Variants in ZNF407 observed in about 807,000 individuals in gnomAD.
ZNF407 encodes zinc finger protein 407.
ZNF407 carries 17 observed loss-of-function variants against 131.2 expected under a neutral mutation model. The observed-to-expected ratio is 0.13, with a 90% CI of 0.09 to 0.19. The LOEUF is 0.19. Ranked by LOEUF, ZNF407 falls within the 10% of genes least tolerant of loss-of-function variation. The pLI is 1.00. For synonymous variants in ZNF407, 1,156 were observed against 1,062.0 expected (o/e 1.09, Z -1.72); for missense variants, 2,681 against 2,830.6 (o/e 0.95, Z 1.20).
chr18:74,598,930 A>G (rs757350427), intron 1 of ZNF407, among the ~76,000 whole-genome samples: 11 of 152,240 alleles, frequency 7.2e-5, no homozygotes, highest in Non-Finnish European at 1.6e-4. Flanking sequence ...GTGGACACAC[A>G]TGTAGAATAC....
chr18:74,850,311 C>T lies in ZNF407; in HGVS notation c.4878-26886C>T, dbSNP rs547639401. Among the ~76,000 whole-genome samples the T allele has an allele frequency of 9.7e-4, 126 of 130,536 alleles. 1 individual carries two copies. Among genetic ancestry groups the T allele is most frequent in the Non-Finnish European group, 1.9e-3 (109 of 57,566 alleles). The allele number at this position is 130,536 out of a possible 152,430, so 85.6% of individuals were successfully genotyped here. On this transcript the variant is annotated intron_variant, in intron 4 of 8. Transcript: ENST00000299687. ...ATAGATTTCTTTGTTGCCCAATTTT[C>T]CTCTTCTTTCCTTTGATTTGTTTCT...
intron 3 of ZNF407, among the ~76,000 whole-genome samples, chr18:74,735,695 C>A (rs566922894): frequency 1.3e-5 from 2 of 152,268 alleles, no homozygotes; most frequent in East Asian, 3.9e-4. Flanking sequence ...TAAGGATATG[C>A]AACTTTACCA....
chr18:74,608,208 C>T (rs942624256), intron 1 of ZNF407, among the ~76,000 whole-genome samples: 1 of 152,174 alleles, frequency 6.6e-6, no homozygotes, highest in African/African-American at 2.4e-5. Context: ...CAATTGGTAA[C>T]AATTAATCTA....
chr18:74,989,513 G>C (rs373250569), intron 8 of ZNF407, among the ~76,000 whole-genome samples: 1 of 152,194 alleles, frequency 6.6e-6, no homozygotes, highest in Non-Finnish European at 1.5e-5. Context: ...ACTTCCTTTC[G>C]AAGATTCTAT....
At chr18:74,776,061 T>C in intron 3 of ZNF407, among the ~76,000 whole-genome samples, 1 of 152,138 alleles carries the variant, frequency 6.6e-6, no homozygotes, top group East Asian at 1.9e-4. Flanking sequence ...AATCAAACCA[T>C]ATCAATACCT....
At chr18:74,773,601 G>C (rs1406750849) in intron 3 of ZNF407, among the ~76,000 whole-genome samples, 1 of 152,214 alleles carries the variant, frequency 6.6e-6, no homozygotes, top group East Asian at 1.9e-4. Flanking sequence ...GCGAATAATT[G>C]TTTGAATAGA....
chr18:74,633,112 G>A lies in ZNF407; in HGVS notation c.2093G>A (p.Arg698Lys), dbSNP rs775206412. The change falls in exon 2 of 9, where the codon AGG becomes AAG. Residue 698 changes from arginine to lysine, a missense_variant. Physicochemically the swap from Arg to Lys is conservative, Grantham distance 26. This residue lies in a region of ZNF407 where 1,789 missense variants were observed against 1,748.7 expected (regional missense o/e 1.02). Transcript: ENST00000299687. ...KSRVSHGNEV[R>K]HSSKPQFQCK... is the part of the protein sequence containing the mutation. ...AGGGTAAGCCATGGTAATGAAGTGA[G>A]GCATTCCAGTAAGCCTCAGTTTCAG... The A allele has an allele frequency of 1.9e-6, 3 of 1,613,400 alleles. No individual in the cohort carries two copies. The African/African-American group carries it at 4.0e-5, about 22-fold the overall frequency.
At chr18:74,994,656 C>T (rs141026608) in intron 8 of ZNF407, among the ~76,000 whole-genome samples, 295 of 152,254 alleles carry the variant, frequency 1.9e-3, no homozygotes, top group South Asian at 0.016. Flanking sequence ...GATTCTCAAA[C>T]GGTAGGGAGT....
chr18:74,877,688 A>T (rs1028368162), intron 5 of ZNF407, among the ~76,000 whole-genome samples: 4 of 152,208 alleles, frequency 2.6e-5, no homozygotes, highest in African/African-American at 9.6e-5. Context: ...TCTTTATAGA[A>T]GGTCATATGG....
At chr18:74,796,480 G>A (rs182800829) in intron 4 of ZNF407, among the ~76,000 whole-genome samples, 2 of 152,316 alleles carry the variant, frequency 1.3e-5, no homozygotes, top group East Asian at 3.9e-4. Context: ...GCAGAGATGT[G>A]TCACACGAGG....
At chr18:74,894,385 A>G (rs977625089) in intron 7 of ZNF407, among the ~76,000 whole-genome samples, 2 of 152,076 alleles carry the variant, frequency 1.3e-5, no homozygotes, top group Non-Finnish European at 1.5e-5. Flanking sequence ...ACATTTTTCT[A>G]TGTTTTTATT....
At chr18:74,650,823 A>T (rs908297988) in intron 3 of ZNF407, among the ~76,000 whole-genome samples, 1 of 152,212 alleles carries the variant, frequency 6.6e-6, no homozygotes, top group Admixed American at 6.5e-5. Context: ...CTGTAATTAA[A>T]TATTTTTGCA....
chr18:74,785,875 ACATGGCACG>A lies in ZNF407; in HGVS notation c.4877+4376_4877+4384del, dbSNP rs1254576003. Among the ~76,000 whole-genome samples the A allele has an allele frequency of 1.9e-3, 42 of 21,984 alleles. No individual in the cohort carries two copies. The East Asian group carries it at 0.089, about 47-fold the overall frequency. 14.4% of individuals were successfully genotyped at this position (21,984 alleles called of 152,430 possible). On this transcript the variant is annotated intron_variant, in intron 4 of 8. Coordinates refer to ENST00000299687, the MANE Select transcript of ZNF407 (RefSeq NM_017757.3). ...GGCCCACATGGCACACACGTCACTC[ACATGGCACG>A]CACATGGCACTCACATGGGACACAC...
intron 8 of ZNF407, among the ~76,000 whole-genome samples, chr18:75,035,225 G>C (rs981849031): frequency 3.9e-5 from 6 of 152,156 alleles, no homozygotes; most frequent in African/African-American, 1.2e-4. Flanking sequence ...CACAGTGCTG[G>C]CCATTCAAAA....
intron 3 of ZNF407, among the ~76,000 whole-genome samples, chr18:74,684,139 G>T (rs187534628): frequency 6.6e-6 from 1 of 152,088 alleles, no homozygotes; most frequent in Non-Finnish European, 1.5e-5. Flanking sequence ...AATAATTATT[G>T]TTGAGCTCCA....
intron 3 of ZNF407, among the ~76,000 whole-genome samples, chr18:74,646,900 G>C (rs925376711): frequency 6.6e-6 from 1 of 152,150 alleles, no homozygotes; most frequent in Non-Finnish European, 1.5e-5. Context: ...TTATTTTTCT[G>C]TGGTAGTGGT....
intron 4 of ZNF407, among the ~76,000 whole-genome samples, chr18:74,861,765 C>T (rs1212111987): frequency 6.6e-6 from 1 of 152,098 alleles, no homozygotes; most frequent in Non-Finnish European, 1.5e-5. Context: ...GTGTTATATT[C>T]AATACCCTTT....
At chr18:75,029,072 T>C (rs1444275917) in intron 8 of ZNF407, among the ~76,000 whole-genome samples, 4 of 152,222 alleles carry the variant, frequency 2.6e-5, no homozygotes, top group Non-Finnish European at 4.4e-5. Flanking sequence ...GATATCAGAA[T>C]AAAGACTGGC....
rs1298143904 is a variant in ZNF407 at position 74,877,361 on chromosome 18, C to T, written c.5042C>T (p.Thr1681Ile). The change falls in exon 5 of 9, where the codon ACA becomes ATA. Residue 1681 changes from threonine (T) to isoleucine (I), a missense_variant and splice_region_variant. Physicochemically the swap from Thr to Ile is moderately conservative, Grantham distance 89. Transcript: ENST00000299687. ...SAMKDHYRTHTGEKSFLCDLC... is the reference protein window; with the variant it reads ...SAMKDHYRTHIGEKSFLCDLC... ...ATGAAAGACCACTACAGGACGCACA[C>T]AGGTGTGCCGCGCCGCCTTCCTATC... is the stretch of plus-strand genomic sequence containing the variant. The T allele has an allele frequency of 3.1e-6, 5 of 1,612,438 alleles. No individual in the cohort carries two copies. Among genetic ancestry groups the T allele is most frequent in the Non-Finnish European group, 3.4e-6 (4 of 1,179,538 alleles).
Sources: gnomAD v4.1 joint callset for allele counts (sites outside exome capture counted in the v4.1 genomes callset) on GRCh38, gnomAD v4.1.1 for gene constraint, gnomAD v4.1.1 regional missense constraint, MANE v1.5 for transcripts, NCBI Gene and HGNC (gene_info 2026-07-23, HGNC 2026-07-21) for gene names.